The following UNC79 variants were observed in gnomAD, a reference collection of about 807,000 sequenced individuals.
UNC79 encodes the protein unc-79 subunit of NALCN channel complex, also known as protein unc-79 homolog.
A neutral mutation model predicts 283.1 loss-of-function variants in UNC79; 37 were observed. That is an observed-to-expected ratio of 0.13 (90% CI 0.10 to 0.17). The LOEUF (loss-of-function observed/expected upper bound fraction) is 0.17. UNC79 is among the 10% of genes least tolerant of loss of function. The pLI, the probability that UNC79 is intolerant of heterozygous loss-of-function variation, is 1.00. For missense variants in UNC79, 2,272 were observed against 3,211.1 expected (o/e 0.71, Z 7.07); for synonymous variants, 1,107 against 1,200.2 (o/e 0.92, Z 1.61).
In UNC79 at chr14:93,607,298, C is replaced by T. The variant is rs149142410; in HGVS notation, c.3754+3880C>T. On this transcript the variant is annotated intron_variant, in intron 26 of 48. Transcript: ENST00000555664. ...ATATCATGTTCCTCATCGCCTGGAA[C>T]GCATAATTAAACAATAATAGGTATG... 3.3e-4 allele frequency among the ~76,000 whole-genome samples: 50 copies of T among 152,222 alleles called. No individual in the cohort carries two copies. The East Asian group carries it at 7.1e-3, about 22-fold the overall frequency.
intron 43 of UNC79, among the ~76,000 whole-genome samples, chr14:93,687,708 A>C (rs1308220733): frequency 6.6e-6 from 1 of 152,202 alleles, no homozygotes. Flanking sequence ...TCATTTCTTA[A>C]TGAGCTCCCC....
At chr14:93,606,008 A>C (rs998076416) in intron 26 of UNC79, among the ~76,000 whole-genome samples, 2 of 152,220 alleles carry the variant, frequency 1.3e-5, no homozygotes, top group Non-Finnish European at 2.9e-5. Flanking sequence ...TTCTGATTCA[A>C]AGCTTCATTA....
At chr14:93,349,574 T>G (rs990185591) in intron 1 of UNC79, among the ~76,000 whole-genome samples, 1 of 152,240 alleles carries the variant, frequency 6.6e-6, no homozygotes, top group Non-Finnish European at 1.5e-5. Flanking sequence ...TTCCCTTTTA[T>G]GGGCTGATCT....
At chr14:93,431,711 T>C (rs1042581206) in intron 1 of UNC79, among the ~76,000 whole-genome samples, 1 of 152,230 alleles carries the variant, frequency 6.6e-6, no homozygotes, top group Non-Finnish European at 1.5e-5. Flanking sequence ...AGAGCAGGCT[T>C]CCTTTGTAGG....
chr14:93,595,568 C>T (rs548265307), intron 23 of UNC79, among the ~76,000 whole-genome samples: 1 of 152,254 alleles, frequency 6.6e-6, no homozygotes, highest in South Asian at 2.1e-4. Context: ...TTCCTGCCTC[C>T]CTTCATCCAC....
At chr14:93,366,910 T>C (rs1036469096) in intron 1 of UNC79, among the ~76,000 whole-genome samples, 2 of 152,128 alleles carry the variant, frequency 1.3e-5, no homozygotes, top group Non-Finnish European at 2.9e-5. Flanking sequence ...TAAATATAAG[T>C]GCTAGGACTC....
intron 5 of UNC79, among the ~76,000 whole-genome samples, chr14:93,490,649 G>T (rs1053474396): frequency 6.6e-6 from 1 of 152,226 alleles, no homozygotes; most frequent in African/African-American, 2.4e-5. Flanking sequence ...GTCTGAGATC[G>T]CATCAGAATT....
chr14:93,655,820 T>C (rs896531424), intron 38 of UNC79, among the ~76,000 whole-genome samples: 10 of 152,198 alleles, frequency 6.6e-5, no homozygotes, highest in African/African-American at 1.9e-4. Context: ...AAGTAATTGC[T>C]GTGTTTGTGA....
intron 14 of UNC79, among the ~76,000 whole-genome samples, chr14:93,566,494 T>G (rs2062889084): frequency 6.6e-6 from 1 of 152,102 alleles, no homozygotes; most frequent in African/African-American, 2.4e-5. Context: ...CATAGCCGGT[T>G]GTGATGGTTA....
At chr14:93,359,294 C>T (rs1338761571) in intron 1 of UNC79, among the ~76,000 whole-genome samples, 1 of 152,144 alleles carries the variant, frequency 6.6e-6, no homozygotes, top group African/African-American at 2.4e-5. Flanking sequence ...GAGGATTAGT[C>T]ACTTTAGACC....
chr14:93,339,585 C>T (rs1370523377), intron 1 of UNC79, among the ~76,000 whole-genome samples: 2 of 152,204 alleles, frequency 1.3e-5, no homozygotes, highest in Non-Finnish European at 2.9e-5. Context: ...AGGCGTGAGC[C>T]ACTGCGCCCG....
At chr14:93,613,057 A>G (rs746095196) in exon 27 of UNC79, 2 of 1,614,224 alleles carry the variant, frequency 1.2e-6, no homozygotes, top group Admixed American at 3.3e-5. Context: ...AACTTGCTTT[A>G]ATGCATTCAT....
intron 1 of UNC79, among the ~76,000 whole-genome samples, chr14:93,339,052 A>G (rs900256018): frequency 2.0e-5 from 3 of 152,248 alleles, no homozygotes; most frequent in African/African-American, 7.2e-5. Flanking sequence ...ATTTATGGAT[A>G]GGAAAAGGAA....
intron 1 of UNC79, among the ~76,000 whole-genome samples, chr14:93,419,984 A>G (rs1363003184): frequency 1.3e-5 from 2 of 151,740 alleles, no homozygotes; most frequent in South Asian, 2.1e-4. Flanking sequence ...AAAAACTAAA[A>G]TAAGTAAATC....
chr14:93,490,653 C>G (rs2058680011), intron 5 of UNC79, among the ~76,000 whole-genome samples: 1 of 152,196 alleles, frequency 6.6e-6, no homozygotes, highest in Non-Finnish European at 1.5e-5. Flanking sequence ...GAGATCGCAT[C>G]AGAATTGCTT....
At chr14:93,417,921 G>A (rs911248691) in intron 1 of UNC79, among the ~76,000 whole-genome samples, 7 of 151,600 alleles carry the variant, frequency 4.6e-5, no homozygotes, top group Non-Finnish European at 7.4e-5. Context: ...TTATACATTC[G>A]TCTAAATTTT....
intron 7 of UNC79, among the ~76,000 whole-genome samples, chr14:93,512,732 T>A (rs1957671): frequency 0.31 from 46,399 of 152,018 alleles, 7,450 homozygotes; most frequent in East Asian, 0.65. Context: ...TTCTTTTAGC[T>A]ATTTTTTACA....
chr14:93,542,330 C>G, intron 13 of UNC79, 136 bp from the exon 14 acceptor site: 1 of 852,212 alleles, frequency 1.2e-6, no homozygotes, highest in Non-Finnish European at 1.8e-6. Context: ...AAGCGATCCC[C>G]ATTTTTAAAA....
At chr14:93,551,249 C>G (rs1567097157) in intron 14 of UNC79, among the ~76,000 whole-genome samples, 1 of 152,156 alleles carries the variant, frequency 6.6e-6, no homozygotes. Context: ...CGGGGTTTCA[C>G]CGTGTTAGCC....
Sources: allele counts gnomAD v4.1 joint callset (sites outside exome capture counted in the v4.1 genomes callset), GRCh38; gene constraint gnomAD v4.1.1; transcripts MANE v1.5; gene names NCBI Gene and HGNC (gene_info 2026-07-23, HGNC 2026-07-21).